Variants in MYL12B observed in about 807,000 individuals in gnomAD.
MYL12B encodes the protein myosin light chain 12B.
In MYL12B, 3 loss-of-function variants were observed where a neutral mutation model predicts 12.9. The observed-to-expected ratio is 0.23, with a 90% CI of 0.11 to 0.60. MYL12B has a LOEUF of 0.60. Among genes scored for constraint, MYL12B ranks in the 20% least tolerant of loss-of-function variants. MYL12B has a pLI of 0.89. For missense variants in MYL12B, 120 were observed against 215.4 expected (o/e 0.56, Z 2.77); for synonymous variants, 57 against 71.9 (o/e 0.79, Z 1.05).
chr18:3,269,300 G>C (rs917020360), intron 1 of MYL12B, among the ~76,000 whole-genome samples: 5 of 152,134 alleles, frequency 3.3e-5, no homozygotes, highest in Non-Finnish European at 7.4e-5. Context: ...TTTTGAGAGA[G>C]CCGAGAGGCA....
At chr18:3,276,314 A>T in intron 2 of MYL12B, 1 of 443,164 alleles carries the variant, frequency 2.3e-6, no homozygotes, top group Non-Finnish European at 3.0e-6. Flanking sequence ...CCAGTATTCC[A>T]GATCCTTGGT....
chr18:3,276,548 T>C (rs1460806820), intron 2 of MYL12B: 2 of 985,170 alleles, frequency 2.0e-6, no homozygotes, highest in African/African-American at 3.5e-5. Context: ...TTTGAAGATA[T>C]CTAACATTGT....
chr18:3,272,742 G>A, intron 1 of MYL12B, 142 bp from the exon 2 acceptor site: 1 of 746,712 alleles, frequency 1.3e-6, no homozygotes, highest in Non-Finnish European at 2.0e-6. Context: ...TAAAGTTTAG[G>A]TGCATACTTA....
intron 1 of MYL12B, among the ~76,000 whole-genome samples, chr18:3,270,984 A>T (rs985614287): frequency 6.6e-6 from 1 of 152,162 alleles, no homozygotes; most frequent in Admixed American, 6.5e-5. Context: ...ATTCGTTTTT[A>T]AAAATAAATA....
At position 3,273,090 on chromosome 18, in the gene MYL12B, T is replaced by C. The variant is rs201509273; in HGVS notation, c.184+8T>C. Reference sequence around the variant, plus strand: ...ATATGCTTGCTTCTCTAGGTAGACTTTATATTCTTTATTTGTATTTTCCCT... The same window carrying C: ...ATATGCTTGCTTCTCTAGGTAGACTCTATATTCTTTATTTGTATTTTCCCT... On this transcript the variant is annotated splice_region_variant and intron_variant, in intron 2 of 3. Coordinates refer to ENST00000237500, the MANE Select transcript of MYL12B (RefSeq NM_033546.4). 16 of 1,556,822 alleles carry C rather than the reference T, an allele frequency of 1.0e-5. No individual in the cohort carries two copies. The highest frequency in any genetic ancestry group is 1.4e-5 in the Non-Finnish European group (16 of 1,151,004).
intron 1 of MYL12B, among the ~76,000 whole-genome samples, chr18:3,272,555 A>G (rs2144361109): frequency 6.6e-6 from 1 of 152,256 alleles, no homozygotes; most frequent in East Asian, 1.9e-4. Context: ...TAGAGATGGG[A>G]GTCTCACTAT....
chr18:3,275,477 G>A (rs2081722091), intron 2 of MYL12B, among the ~76,000 whole-genome samples: 1 of 152,174 alleles, frequency 6.6e-6, no homozygotes. Context: ...GTAACACAAA[G>A]AAATGATAAA....
intron 1 of MYL12B, among the ~76,000 whole-genome samples, chr18:3,268,818 A>G (rs2081654543): frequency 6.6e-6 from 1 of 152,208 alleles, no homozygotes; most frequent in Non-Finnish European, 1.5e-5. Flanking sequence ...CCACTAGGTG[A>G]CCTTGGGCAA....
At chr18:3,271,495 G>GC (rs1454391287) in intron 1 of MYL12B, among the ~76,000 whole-genome samples, 4 of 152,316 alleles carry the variant, frequency 2.6e-5, no homozygotes, top group African/African-American at 9.6e-5. Flanking sequence ...AAATCCCCTT[G>GC]CTCAGTCATT....
At position 3,277,167 on chromosome 18, in the gene MYL12B, A is replaced by C. The variant is rs779944332; in HGVS notation, c.185-86A>C. 97 of 1,291,792 alleles carry C rather than the reference A, an allele frequency of 7.5e-5. No individual in the cohort carries two copies. The Admixed American group carries it at 1.2e-3, about 16-fold the overall frequency. 80.0% of individuals were successfully genotyped at this position (1,291,792 alleles called of 1,614,324 possible). ...AGTTTCAAATGATGTACATTTTAAAAATATGTTGGGGAGCATAATAATAGT... is the reference window on the plus strand; with the variant it reads ...AGTTTCAAATGATGTACATTTTAAACATATGTTGGGGAGCATAATAATAGT... On this transcript the variant is annotated intron_variant, in intron 2 of 3. Coordinates refer to ENST00000237500, the MANE Select transcript of MYL12B (RefSeq NM_033546.4).
intron 1 of MYL12B, among the ~76,000 whole-genome samples, chr18:3,267,067 CTAAG>C (rs2081640240): frequency 6.6e-6 from 1 of 152,184 alleles, no homozygotes; most frequent in Admixed American, 6.5e-5. Context: ...ACTTAATAAT[CTAAG>C]TGGTTCTCAA....
chr18:3,275,761 G>A (rs901466332), intron 2 of MYL12B, among the ~76,000 whole-genome samples: 3 of 151,722 alleles, frequency 2.0e-5, no homozygotes, highest in Admixed American at 2.0e-4. Context: ...ACACCTTTTG[G>A]TTACAGTTTT....
intron 2 of MYL12B, among the ~76,000 whole-genome samples, chr18:3,275,505 A>G (rs1448264720): frequency 1.3e-5 from 2 of 152,190 alleles, no homozygotes; most frequent in Admixed American, 6.5e-5. Context: ...AGGGATGGCT[A>G]TGCCATTTAC....
intron 1 of MYL12B, among the ~76,000 whole-genome samples, chr18:3,270,407 T>G (rs1437688367): frequency 2.0e-5 from 3 of 152,170 alleles, no homozygotes; most frequent in African/African-American, 7.2e-5. Context: ...TAGTGAATTG[T>G]TTTTTGTTCT....
chr18:3,276,842 GC>G, intron 2 of MYL12B: 7 of 788,084 alleles, frequency 8.9e-6, no homozygotes, highest in Non-Finnish European at 1.1e-5. Flanking sequence ...TTCAAGACCA[GC>G]CTGGGCAACA....
chr18:3,276,926 A>G (rs2081736930), intron 2 of MYL12B: 1 of 976,524 alleles, frequency 1.0e-6, no homozygotes, highest in Admixed American at 6.2e-5. Flanking sequence ...GTCCAAAAAA[A>G]AAAAAAAAAA....
chr18:3,277,157 A>T (rs1226637347), intron 2 of MYL12B, 96 bp from the exon 3 acceptor site: 1 of 1,293,144 alleles, frequency 7.7e-7, no homozygotes, highest in East Asian at 2.7e-5. Context: ...CAAATGATGT[A>T]CATTTTAAAA....
intron 1 of MYL12B, among the ~76,000 whole-genome samples, chr18:3,272,396 C>G (rs1220261800): frequency 2.8e-5 from 1 of 35,322 alleles, no homozygotes; most frequent in Non-Finnish European, 6.7e-5. Flanking sequence ...TGAGGAAGCC[C>G]TATGCCTTCA....
chr18:3,270,374 A>G (rs2081667701), intron 1 of MYL12B, among the ~76,000 whole-genome samples: 1 of 152,206 alleles, frequency 6.6e-6, no homozygotes, highest in South Asian at 2.1e-4. Flanking sequence ...TATCTGCTCT[A>G]ACATATTTTG....
Sources: gnomAD v4.1 joint callset for allele counts (sites outside exome capture counted in the v4.1 genomes callset) on GRCh38, gnomAD v4.1.1 for gene constraint, MANE v1.5 for transcripts, NCBI Gene and HGNC (gene_info 2026-07-23, HGNC 2026-07-21) for gene names.